The following PXDNL variants were observed in gnomAD, a reference collection of about 807,000 sequenced individuals.
PXDNL encodes the protein peroxidasin like, also known as probable oxidoreductase PXDNL.
PXDNL carries 145 observed loss-of-function variants against 150.8 expected under a neutral mutation model. That is an observed-to-expected ratio of 0.96 (90% CI 0.84 to 1.10). The LOEUF (loss-of-function observed/expected upper bound fraction) is 1.10. Among genes scored for constraint, PXDNL ranks in the 50% least tolerant of loss-of-function variants. PXDNL has a pLI of 0.00. For synonymous variants in PXDNL, 757 were observed against 725.7 expected (o/e 1.04, Z -0.69); for missense variants, 2,087 against 1,873.9 (o/e 1.11, Z -2.10).
chr8:51,362,600 G>T (rs1327314609), intron 19 of PXDNL, among the ~76,000 whole-genome samples: 4 of 151,894 alleles, frequency 2.6e-5, no homozygotes, highest in African/African-American at 9.7e-5. Flanking sequence ...GGTTTGAGCT[G>T]ATGATACAAT....
chr8:51,426,339 A>T (rs553267321), intron 13 of PXDNL, among the ~76,000 whole-genome samples: 1 of 152,174 alleles, frequency 6.6e-6, no homozygotes, highest in African/African-American at 2.4e-5. Context: ...TTAGCCACTA[A>T]ACTCTTAATT....
At chr8:51,546,574 T>C (rs1331856154) in intron 4 of PXDNL, among the ~76,000 whole-genome samples, 1 of 152,156 alleles carries the variant, frequency 6.6e-6, no homozygotes, top group Admixed American at 6.5e-5. Context: ...AAGCTCCTAG[T>C]TGAACTTGGT....
At chr8:51,502,677 T>C (rs1563441503) in intron 4 of PXDNL, among the ~76,000 whole-genome samples, 1 of 149,142 alleles carries the variant, frequency 6.7e-6, no homozygotes, top group Non-Finnish European at 1.5e-5. Context: ...TTTTTTTTTT[T>C]CCTTTCAACT....
At chr8:51,728,011 A>G (rs918415391) in intron 1 of PXDNL, among the ~76,000 whole-genome samples, 4 of 152,238 alleles carry the variant, frequency 2.6e-5, no homozygotes, top group African/African-American at 9.6e-5. Flanking sequence ...TATGTATTCT[A>G]TTGCTTAACA....
chr8:51,374,837 G>C, intron 17 of PXDNL, 106 bp from the exon 18 acceptor site: 1 of 1,305,678 alleles, frequency 7.7e-7, no homozygotes, highest in Non-Finnish European at 1.1e-6. Flanking sequence ...CACAAAAAAA[G>C]AAAAGTAGAT....
chr8:51,466,866 A>G (rs756126525), intron 8 of PXDNL, among the ~76,000 whole-genome samples: 6 of 152,208 alleles, frequency 3.9e-5, no homozygotes, highest in Non-Finnish European at 8.8e-5. Flanking sequence ...CACCTGCCAG[A>G]ATGGCTTTCA....
chr8:51,684,930 G>A (rs1444077404), intron 1 of PXDNL, among the ~76,000 whole-genome samples: 1 of 152,154 alleles, frequency 6.6e-6, no homozygotes, highest in Non-Finnish European at 1.5e-5. Flanking sequence ...TGAGACAGCA[G>A]TCCAAGCTGA....
chr8:51,515,152 G>A (rs940397465), intron 4 of PXDNL, among the ~76,000 whole-genome samples: 1 of 152,228 alleles, frequency 6.6e-6, no homozygotes, highest in Non-Finnish European at 1.5e-5. Context: ...GCCTGCTGAG[G>A]AGGGAAGGGG....
intron 1 of PXDNL, among the ~76,000 whole-genome samples, chr8:51,770,859 G>A (rs2037285852): frequency 6.6e-6 from 1 of 152,300 alleles, no homozygotes; most frequent in African/African-American, 2.4e-5. Context: ...AGCTATCAGA[G>A]GGAGAGCAGC....
At chr8:51,471,149 A>T (rs1456723899) in intron 8 of PXDNL, among the ~76,000 whole-genome samples, 2 of 151,682 alleles carry the variant, frequency 1.3e-5, no homozygotes, top group African/African-American at 4.8e-5. Context: ...CAAAAAAAAA[A>T]AAAAAAGCAT....
At chr8:51,693,099 T>C (rs1816034901) in intron 1 of PXDNL, among the ~76,000 whole-genome samples, 1 of 152,218 alleles carries the variant, frequency 6.6e-6, no homozygotes, top group Non-Finnish European at 1.5e-5. Context: ...CCAAAGAATA[T>C]TACTCAGTGA....
chr8:51,435,878 T>C, intron 12 of PXDNL: 1 of 469,772 alleles, frequency 2.1e-6, no homozygotes, highest in Non-Finnish European at 4.3e-6. Context: ...CTAAAGCAGA[T>C]ACTAAAATGG....
intron 2 of PXDNL, among the ~76,000 whole-genome samples, chr8:51,639,542 A>C (rs1391628758): frequency 1.3e-5 from 2 of 152,226 alleles, no homozygotes; most frequent in Admixed American, 6.5e-5. Context: ...TCCCACAGAA[A>C]TACAAATTAC....
intron 1 of PXDNL, among the ~76,000 whole-genome samples, chr8:51,713,054 C>T (rs1816532381): frequency 6.6e-6 from 1 of 152,130 alleles, no homozygotes; most frequent in Admixed American, 6.6e-5. Flanking sequence ...AAATGTGAGT[C>T]AATAAAAATT....
intron 4 of PXDNL, among the ~76,000 whole-genome samples, chr8:51,530,629 C>T (rs1811878563): frequency 6.6e-6 from 1 of 152,190 alleles, no homozygotes; most frequent in Non-Finnish European, 1.5e-5. Context: ...CAACCAGCTC[C>T]CTGCTTTTCC....
chr8:51,539,241 T>C (rs1812158545), intron 4 of PXDNL, among the ~76,000 whole-genome samples: 1 of 152,128 alleles, frequency 6.6e-6, no homozygotes, highest in African/African-American at 2.4e-5. Context: ...ATTTTTATTT[T>C]TTAATCTGTT....
chr8:51,710,967 A>G (rs925307547), intron 1 of PXDNL, among the ~76,000 whole-genome samples: 5 of 152,234 alleles, frequency 3.3e-5, no homozygotes, highest in Non-Finnish European at 5.9e-5. Flanking sequence ...CAAGATAAGA[A>G]TGCCCACTCT....
intron 10 of PXDNL, among the ~76,000 whole-genome samples, chr8:51,450,592 CTG>C (rs1302940865): frequency 1.3e-5 from 2 of 152,186 alleles, no homozygotes; most frequent in Non-Finnish European, 2.9e-5. Flanking sequence ...AAGTTTCATA[CTG>C]TGTGCAAGTA....
At chr8:51,674,504 G>T (rs1333262636) in intron 1 of PXDNL, among the ~76,000 whole-genome samples, 1 of 152,198 alleles carries the variant, frequency 6.6e-6, no homozygotes, top group Non-Finnish European at 1.5e-5. Context: ...GTTTTGTATT[G>T]TTCACTTAAC....
Sources: gnomAD v4.1 joint callset for allele counts (sites outside exome capture counted in the v4.1 genomes callset) on GRCh38, gnomAD v4.1.1 for gene constraint, MANE v1.5 for transcripts, NCBI Gene and HGNC (gene_info 2026-07-23, HGNC 2026-07-21) for gene names.